The following PCDHGB1 variants were observed in gnomAD, a reference collection of about 807,000 sequenced individuals.
The protein encoded by PCDHGB1 is protocadherin gamma subfamily B, 1.
PCDHGB1 carries 34 observed loss-of-function variants against 56.6 expected under a neutral mutation model. The ratio of observed to expected loss-of-function variants is 0.60; its 90% confidence interval spans 0.46 to 0.80. PCDHGB1 has a LOEUF of 0.80. Ranked by LOEUF, PCDHGB1 falls within the 30% of genes least tolerant of loss-of-function variation. The pLI, the probability that PCDHGB1 is intolerant of heterozygous loss-of-function variation, is 0.00. For synonymous variants in PCDHGB1, 561 were observed against 505.9 expected (o/e 1.11, Z -1.46); for missense variants, 1,278 against 1,204.6 (o/e 1.06, Z -0.90).
intron 1 of PCDHGB1, chr5:141,421,399 C>G: frequency 4.3e-6 from 7 of 1,614,046 alleles, no homozygotes; most frequent in Non-Finnish European, 5.1e-6. Context: ...GCTGGAGCCC[C>G]GGGAGCTGGC....
chr5:141,498,078 G>A (rs1165770641), intron 2 of PCDHGB1, among the ~76,000 whole-genome samples: 6 of 152,194 alleles, frequency 3.9e-5, no homozygotes, highest in African/African-American at 1.4e-4. Flanking sequence ...ATAAGTGCTA[G>A]GTAGAATTGT....
chr5:141,492,077 C>G (rs917149790), intron 1 of PCDHGB1: 1 of 483,342 alleles, frequency 2.1e-6, no homozygotes, highest in African/African-American at 2.0e-5. Context: ...GGCGCCGGCT[C>G]CGGCACGCTT....
At chr5:141,404,029 C>A in intron 1 of PCDHGB1, 2 of 1,613,428 alleles carry the variant, frequency 1.2e-6, no homozygotes, top group South Asian at 1.1e-5. Flanking sequence ...TGAGAGAAGA[C>A]GCACCTCAGG....
rs1261918788 is a variant in PCDHGB1, at chr5:141,350,765, A to G, written c.505A>G (p.Ile169Val). Residue 169 changes from isoleucine (I) to valine (V), a missense_variant, in exon 1 of 4, where the codon ATC becomes GTC. Coordinates refer to ENST00000523390, the MANE Select transcript of PCDHGB1 (RefSeq NM_018922.3). ...AGGCAATTCACTGAAGTTATACACC[A>G]TCAACCCCAATCAATACTTCTCTCT... ...VEGNSLKLYT[I>V]NPNQYFSLST... 6.2e-7 allele frequency: 1 copy of G among 1,613,858 alleles called. No individual in the cohort carries two copies. Among genetic ancestry groups the G allele is most frequent in the Non-Finnish European group, 8.5e-7 (1 of 1,179,902 alleles).
Position 141,491,531 on chromosome 5 carries a change from T to G in PCDHGB1, c.2410-3276T>G, listed in dbSNP as rs532897059. On this transcript the variant is annotated intron_variant, in intron 1 of 3. Coordinates refer to ENST00000523390, the MANE Select transcript of PCDHGB1 (RefSeq NM_018922.3). This position sits in a 1 kb window ranked among gnomAD's most constrained non-coding sequence, Gnocchi z 6.9. ...ACGCTCAAGTACATGGAGGTGACGC[T>G]GCGGCCCACAGACTCGCAGAGCCAC... The G allele has an allele frequency of 6.2e-7, 1 of 1,614,044 alleles. No homozygotes were observed. The highest frequency in any genetic ancestry group is 1.7e-5 in the Admixed American group (1 of 60,028).
chr5:141,389,930 C>G (rs1255366269), intron 1 of PCDHGB1: 1 of 1,614,064 alleles, frequency 6.2e-7, no homozygotes, highest in East Asian at 2.2e-5. Flanking sequence ...CCTCTGACCT[C>G]CAGGCTGAGC....
At chr5:141,375,378 T>A (rs1226520501) in intron 1 of PCDHGB1, 11 of 1,613,954 alleles carry the variant, frequency 6.8e-6, no homozygotes, top group Non-Finnish European at 9.3e-6. Flanking sequence ...ACACCACCTC[T>A]GTCTACAGAA....
intron 1 of PCDHGB1, among the ~76,000 whole-genome samples, chr5:141,480,195 G>C (rs1350891459): frequency 6.6e-6 from 1 of 151,182 alleles, no homozygotes; most frequent in African/African-American, 2.4e-5. Flanking sequence ...CTTGAGGCCA[G>C]CAGTTCAAGA....
chr5:141,409,907 C>T (rs1370065492), intron 1 of PCDHGB1: 1 of 1,613,294 alleles, frequency 6.2e-7, no homozygotes, highest in East Asian at 2.2e-5. Flanking sequence ...AGCTCTGGGT[C>T]CTGACGGCTC....
Position 141,485,244 on chromosome 5 carries a change from T to G in PCDHGB1, c.2410-9563T>G. 5 of 1,614,168 alleles carry G rather than the reference T, an allele frequency of 3.1e-6. No individual in the cohort carries two copies. Among genetic ancestry groups the G allele is most frequent in the Non-Finnish European group, 4.2e-6 (5 of 1,180,006 alleles). On this transcript the variant is annotated intron_variant, in intron 1 of 3. Transcript: ENST00000523390. This position sits in a 1 kb window ranked among gnomAD's most constrained non-coding sequence, Gnocchi z 5.7. Reference sequence around the variant, plus strand: ...ACCCTTTTGTTCCTCTTTTACCACCTGGGTTACGTTTGTGGGCAGATCCGC... The same window carrying G: ...ACCCTTTTGTTCCTCTTTTACCACCGGGGTTACGTTTGTGGGCAGATCCGC...
At chr5:141,443,665 AACT>A (rs2154560310) in intron 1 of PCDHGB1, among the ~76,000 whole-genome samples, 1 of 152,358 alleles carries the variant, frequency 6.6e-6, no homozygotes, top group African/African-American at 2.4e-5. Context: ...CATTTTACTG[AACT>A]AGTAGTTTAC....
chr5:141,356,080 T>C, intron 1 of PCDHGB1: 4 of 1,613,922 alleles, frequency 2.5e-6, no homozygotes, highest in East Asian at 2.2e-5. Flanking sequence ...GCTATTTCAG[T>C]TGAATTCTCT....
rs2099401367 is a variant in PCDHGB1 at position 141,476,906 on chromosome 5, G to C, written c.2410-17901G>C. ...GGATGCACCCTCCGGCACGCGCGTG[G>C]TACAAGTCCTTGCAACGGATCTGGA... is the stretch of plus-strand genomic sequence containing the variant. On this transcript the variant is annotated intron_variant, in intron 1 of 3. Coordinates refer to ENST00000523390, the MANE Select transcript of PCDHGB1 (RefSeq NM_018922.3). The surrounding 1 kb of genome is among the most constrained non-coding windows in gnomAD (Gnocchi z 7.6). 2 of 1,614,050 alleles carry C rather than the reference G, an allele frequency of 1.2e-6. No homozygotes were observed. The highest frequency in any genetic ancestry group is 1.7e-6 in the Non-Finnish European group (2 of 1,180,044).
intron 1 of PCDHGB1, chr5:141,478,583 C>G: frequency 6.3e-7 from 1 of 1,578,146 alleles, no homozygotes; most frequent in Non-Finnish European, 8.6e-7. Context: ...CCTGTTAGTG[C>G]TTTTTTATTC....
At position 141,365,513 on chromosome 5, in the gene PCDHGB1, G is replaced by C. The variant is rs756301595; in HGVS notation, c.2409+12844G>C. The C allele has an allele frequency of 8.7e-6, 14 of 1,613,760 alleles. No homozygotes were observed. The Admixed American group carries it at 2.3e-4, about 27-fold the overall frequency. Reference sequence around the variant, plus strand: ...TCCTAGGAATTTGCCTTTTAAATTGGAGAAGTCAGTTGATAATTACTATCA... The same window carrying C: ...TCCTAGGAATTTGCCTTTTAAATTGCAGAAGTCAGTTGATAATTACTATCA... On this transcript the variant is annotated intron_variant, in intron 1 of 3. Coordinates refer to ENST00000523390, the MANE Select transcript of PCDHGB1 (RefSeq NM_018922.3).
intron 1 of PCDHGB1, chr5:141,422,655 C>G (rs188587553): frequency 1.2e-6 from 2 of 1,610,122 alleles, no homozygotes; most frequent in South Asian, 2.2e-5. Context: ...TCTCAGTGAC[C>G]GCCCTCGACC....
At chr5:141,375,611 G>T in intron 1 of PCDHGB1, 1 of 1,614,178 alleles carries the variant, frequency 6.2e-7, no homozygotes, top group Non-Finnish European at 8.5e-7. Flanking sequence ...CATCAACTCC[G>T]ACACTGGGAT....
At chr5:141,427,635 C>T in intron 1 of PCDHGB1, 1 of 706,280 alleles carries the variant, frequency 1.4e-6, no homozygotes, top group African/African-American at 1.7e-5. Context: ...TCCGGTTTTC[C>T]ACCAAGTCTC....
chr5:141,390,474 C>A, intron 1 of PCDHGB1: 1 of 688,724 alleles, frequency 1.5e-6, no homozygotes, highest in Non-Finnish European at 2.4e-6. Flanking sequence ...TTGTGTGGCC[C>A]AACATTTGTT....
Sources: gnomAD v4.1 joint callset for allele counts (sites outside exome capture counted in the v4.1 genomes callset) on GRCh38, gnomAD v4.1.1 for gene constraint, Gnocchi (gnomAD v3.1) non-coding constraint, MANE v1.5 for transcripts, NCBI Gene and HGNC (gene_info 2026-07-23, HGNC 2026-07-21) for gene names.